The following PREX2 variants were observed in gnomAD, a reference collection of about 807,000 sequenced individuals.
PREX2 encodes phosphatidylinositol 3,4,5-trisphosphate-dependent Rac exchanger 2 protein.
PREX2 carries 107 observed loss-of-function variants against 203.2 expected under a neutral mutation model. That is an observed-to-expected ratio of 0.53 (90% CI 0.45 to 0.62). The LOEUF (loss-of-function observed/expected upper bound fraction) is 0.62. Among genes scored for constraint, PREX2 ranks in the 20% least tolerant of loss-of-function variants. PREX2 has a pLI of 0.00. For missense variants in PREX2, 1,777 were observed against 1,955.9 expected (o/e 0.91, Z 1.72); for synonymous variants, 672 against 663.6 (o/e 1.01, Z -0.19).
chr8:67,955,957 T>G (rs1217602084), intron 1 of PREX2, among the ~76,000 whole-genome samples: 1 of 152,226 alleles, frequency 6.6e-6, no homozygotes, highest in Non-Finnish European at 1.5e-5. Flanking sequence ...GAAACATGAT[T>G]TAAATCAGGT....
chr8:68,023,798 T>G (rs1303688288), intron 4 of PREX2, among the ~76,000 whole-genome samples: 1 of 152,104 alleles, frequency 6.6e-6, no homozygotes, highest in Non-Finnish European at 1.5e-5. Context: ...TATATGGAAA[T>G]TTAACTGGCT....
intron 34 of PREX2, among the ~76,000 whole-genome samples, chr8:68,150,696 C>G (rs531092391): frequency 5.9e-5 from 9 of 152,270 alleles, no homozygotes; most frequent in Non-Finnish European, 1.0e-4. Context: ...TGGAAACCCA[C>G]AGACCAAGTG....
Position 68,118,597 on chromosome 8 carries a change from G to C in PREX2, c.3374G>C (p.Cys1125Ser). 1 of 1,614,082 alleles carries C rather than the reference G, an allele frequency of 6.2e-7. No homozygotes were observed. Among genetic ancestry groups the C allele is most frequent in the Non-Finnish European group, 8.5e-7 (1 of 1,179,960 alleles). Residue 1125 changes from cysteine to serine, a missense_variant, in exon 27 of 40, where the codon TGC becomes TCC. Cys to Ser is a moderately radical substitution (Grantham distance 112). Coordinates refer to ENST00000288368, the MANE Select transcript of PREX2 (RefSeq NM_024870.4). ...RNSIASFTSI[C>S]SSQCSSYFHS... is the part of the protein sequence containing the mutation. ...TCCATCGCCTCCTTCACCAGCATCT[G>C]CAGCAGCCAGTGCAGCTCGTATTTC...
intron 37 of PREX2, among the ~76,000 whole-genome samples, chr8:68,196,511 C>A (rs1029755710): frequency 3.3e-5 from 5 of 149,650 alleles, no homozygotes; most frequent in African/African-American, 1.2e-4. Flanking sequence ...ATAGTGTCTT[C>A]GTTTACTTGT....
intron 9 of PREX2, 87 bp from the exon 10 acceptor site, chr8:68,055,743 C>A: frequency 7.9e-7 from 1 of 1,268,236 alleles, no homozygotes; most frequent in Non-Finnish European, 1.1e-6. Flanking sequence ...GGTAGACCTG[C>A]AACAAATGCT....
chr8:68,043,727 A>C (rs537312192), intron 7 of PREX2, among the ~76,000 whole-genome samples: 1 of 152,122 alleles, frequency 6.6e-6, no homozygotes, highest in African/African-American at 2.4e-5. Flanking sequence ...AAAGAAAAAC[A>C]TTGAAAAAAT....
intron 37 of PREX2, among the ~76,000 whole-genome samples, chr8:68,212,988 G>A (rs1374766533): frequency 6.6e-6 from 1 of 152,080 alleles, no homozygotes; most frequent in Non-Finnish European, 1.5e-5. Context: ...CATCCTGGGG[G>A]CCTCAGGATA....
At chr8:68,209,081 AAAAAAAAAAG>A (rs952994702) in intron 37 of PREX2, among the ~76,000 whole-genome samples, 4 of 151,562 alleles carry the variant, frequency 2.6e-5, no homozygotes, top group Admixed American at 6.6e-5. Context: ...AAAAAAAAAA[AAAAAAAAAAG>A]AAAGAAAAAA....
At chr8:68,100,318 C>G (rs533209168) in intron 23 of PREX2, 1 of 401,930 alleles carries the variant, frequency 2.5e-6, no homozygotes, top group African/African-American at 2.1e-5. Flanking sequence ...AAGTACTGTT[C>G]TAGGTTCCAG....
In PREX2 at chr8:68,105,315, G is replaced by A. The variant is rs1403305680; in HGVS notation, c.2716-2794G>A. 2.9e-6 allele frequency: 4 copies of A among 1,367,546 alleles called. No individual in the cohort carries two copies. In the South Asian group the frequency reaches 3.4e-5, roughly 12 times the overall value. 84.7% of individuals were successfully genotyped at this position (1,367,546 alleles called of 1,614,324 possible). A position where few individuals can be genotyped will look rare whatever the true frequency, so the allele number is the denominator to read the frequency against. ...TGGAAGACAGCACTGCATTCCTGAG[G>A]ACCTTCCTTCTCAAGAAATGCTCTT... On this transcript the variant is annotated intron_variant, in intron 23 of 39. Coordinates refer to ENST00000288368, the MANE Select transcript of PREX2 (RefSeq NM_024870.4).
chr8:67,971,989 T>A (rs1445874386), intron 1 of PREX2, among the ~76,000 whole-genome samples: 1 of 152,210 alleles, frequency 6.6e-6, no homozygotes, highest in Non-Finnish European at 1.5e-5. Flanking sequence ...TATGGAGAAT[T>A]ATTTTCTAAG....
chr8:67,963,239 G>C (rs1173785515), intron 1 of PREX2, among the ~76,000 whole-genome samples: 1 of 152,058 alleles, frequency 6.6e-6, no homozygotes, highest in Admixed American at 6.6e-5. Flanking sequence ...TCCCTGGCTG[G>C]TATGAGGATG....
chr8:67,967,050 A>T (rs1207019467), intron 1 of PREX2, among the ~76,000 whole-genome samples: 1 of 152,248 alleles, frequency 6.6e-6, no homozygotes, highest in Non-Finnish European at 1.5e-5. Flanking sequence ...TTTATGTAAG[A>T]TGAAAAAGCA....
chr8:68,117,968 A>G (rs952819874), intron 26 of PREX2, among the ~76,000 whole-genome samples: 4 of 152,224 alleles, frequency 2.6e-5, no homozygotes, highest in African/African-American at 9.6e-5. Flanking sequence ...TAAGTTTGGC[A>G]TGACTCCTAG....
intron 29 of PREX2, 113 bp downstream of exon 29, chr8:68,120,399 T>G: frequency 1.4e-6 from 1 of 701,468 alleles, no homozygotes; most frequent in South Asian, 1.7e-5. Context: ...TACTCATGTT[T>G]CATAATTCAC....
At chr8:68,164,701 G>A (rs2129614070) in intron 35 of PREX2, among the ~76,000 whole-genome samples, 1 of 150,740 alleles carries the variant, frequency 6.6e-6, no homozygotes, top group Middle Eastern at 3.4e-3. Context: ...TCCTGCCTCA[G>A]CCTCCCGAGT....
intron 19 of PREX2, among the ~76,000 whole-genome samples, chr8:68,088,480 CAA>C (rs1248437013): frequency 6.6e-6 from 1 of 152,128 alleles, no homozygotes; most frequent in Non-Finnish European, 1.5e-5. Flanking sequence ...GTTTATCTAA[CAA>C]GAGACATACA....
chr8:67,999,541 A>G (rs1806878448), intron 1 of PREX2, among the ~76,000 whole-genome samples: 1 of 151,752 alleles, frequency 6.6e-6, no homozygotes, highest in Non-Finnish European at 1.5e-5. Context: ...TAGACATACA[A>G]AGAAGAGCTG....
At chr8:68,081,259 G>C (rs999585485) in intron 17 of PREX2, among the ~76,000 whole-genome samples, 7 of 152,096 alleles carry the variant, frequency 4.6e-5, no homozygotes, top group Admixed American at 6.5e-5. Flanking sequence ...TTGGGTTCGC[G>C]CTCCTATGAG....
Sources: allele counts gnomAD v4.1 joint callset (sites outside exome capture counted in the v4.1 genomes callset), GRCh38; gene constraint gnomAD v4.1.1; transcripts MANE v1.5; gene names NCBI Gene and HGNC (gene_info 2026-07-23, HGNC 2026-07-21).